OR10K1: variants seen among roughly 807,000 people sequenced by gnomAD.
OR10K1 encodes olfactory receptor 10K1.
For missense variants in OR10K1, 404 were observed against 373.3 expected, an observed-to-expected ratio of 1.08 and a Z score of -0.68; for synonymous variants, 186 against 152.5, an observed-to-expected ratio of 1.22 and a Z score of -1.62.
Position 158,466,125 on chromosome 1 carries a change from A to G in OR10K1, c.564A>G (p.Ala188=), listed in dbSNP as rs1477045546. ...ACATCTCCCCTGTCCTTAAACTGGC[A>G]TCTCAGCACTCCGGCTTCAGTCAGC... is the stretch of plus-strand genomic sequence containing the variant. The part of the protein sequence containing the change: ...FCDISPVLKL[A]SQHSGFSQLV... Residue 188 remains alanine (A), a synonymous_variant, in exon 2 of 2, where the codon GCA becomes GCG. Coordinates refer to ENST00000641535, the MANE Select transcript of OR10K1 (RefSeq NM_001004473.2). 1 of 1,613,808 alleles carries G rather than the reference A, an allele frequency of 6.2e-7. No individual in the cohort carries two copies. The highest frequency in any genetic ancestry group is 1.3e-5 in the African/African-American group (1 of 75,016).
Position 158,466,422 on chromosome 1 carries a change from A to G in OR10K1, c.861A>G (p.Pro287=), listed in dbSNP as rs1656043571. The change falls in exon 2 of 2, where the codon CCA becomes CCG. Residue 287 remains proline, a synonymous_variant. Transcript: ENST00000641535. Reference sequence around the variant, plus strand: ...CCATCCTTACCCCATTGTTCAATCCAATGATTTATAGTCTGAGAAATAAGG... The same window carrying G: ...CCATCCTTACCCCATTGTTCAATCCGATGATTTATAGTCTGAGAAATAAGG... ...SYTILTPLFN[P]MIYSLRNKEF... is the part of the protein sequence containing the mutation. The G allele has an allele frequency of 1.2e-6, 2 of 1,613,974 alleles. No homozygotes were observed. The highest frequency in any genetic ancestry group is 1.1e-5 in the South Asian group (1 of 91,042).
rs941012590 is a variant in OR10K1 at position 158,467,205 on chromosome 1, G to T, written c.*702G>T. 1 of 152,010 alleles carries T rather than the reference G, an allele frequency of 6.6e-6. No individual in the cohort carries two copies. The highest frequency in any genetic ancestry group is 1.9e-4 in the East Asian group (1 of 5,180). 9.4% of individuals were successfully genotyped at this position (152,010 alleles called of 1,614,324 possible). A position where few individuals can be genotyped will look rare whatever the true frequency, so the allele number is the denominator to read the frequency against. On this transcript the variant is annotated 3_prime_UTR_variant, in exon 2 of 2. Transcript: ENST00000641535. ...TCTCTTCAAGGAAGCTACTAGCATT[G>T]CCTACTTGCTGAAATATCTCAAGTA...
At position 158,462,234 on chromosome 1, in the gene OR10K1, C is replaced by G. The variant is rs140690289; in HGVS notation, c.-157+330C>G. Among the ~76,000 whole-genome samples, 1,199 of 151,086 alleles carry G rather than the reference C, an allele frequency of 7.9e-3. 22 individuals are homozygous for G. The highest frequency in any genetic ancestry group is 0.027 in the African/African-American group (1,108 of 41,082). On this transcript the variant is annotated intron_variant, in intron 1 of 1. Transcript: ENST00000641535. ...GGCAGAAGTTGCAGTGAGCCGAGAC[C>G]GTGCCATTGCATTCCAGCCTGGGAA...
Position 158,466,264 on chromosome 1 carries a change from T to C in OR10K1, c.703T>C (p.Tyr235His). The change falls in exon 2 of 2, where the codon TAC becomes CAC. Residue 235 changes from tyrosine (Y) to histidine (H), a missense_variant. Tyr to His is a moderately conservative substitution (Grantham distance 83). Coordinates refer to ENST00000641535, the MANE Select transcript of OR10K1 (RefSeq NM_001004473.2). ...ILKIPSSVGR[Y>H]KTFSTCASHL... Reference sequence around the variant, plus strand: ...AAAAATCCCTTCCTCCGTTGGAAGATACAAGACCTTCTCCACCTGTGCCTC... The same window carrying C: ...AAAAATCCCTTCCTCCGTTGGAAGACACAAGACCTTCTCCACCTGTGCCTC... The C allele has an allele frequency of 1.2e-6, 2 of 1,614,156 alleles. No homozygotes were observed. The highest frequency in any genetic ancestry group is 1.7e-6 in the Non-Finnish European group (2 of 1,180,006).
At chr1:158,463,801 CAT>C (rs1655975056) in intron 1 of OR10K1, among the ~76,000 whole-genome samples, 1 of 152,256 alleles carries the variant, frequency 6.6e-6, no homozygotes, top group East Asian at 1.9e-4. Flanking sequence ...TATATAAAAA[CAT>C]ATAACTAATA....
At position 158,465,818 on chromosome 1, in the gene OR10K1, T is replaced by C; in HGVS notation, c.257T>C (p.Leu86Pro). 1 of 1,614,254 alleles carries C rather than the reference T, an allele frequency of 6.2e-7. No homozygotes were observed. The highest frequency in any genetic ancestry group is 8.5e-7 in the Non-Finnish European group (1 of 1,180,048). Residue 86 changes from leucine to proline, a missense_variant, in exon 2 of 2, where the codon CTG becomes CCG. Physicochemically the swap from Leu to Pro is moderately conservative, Grantham distance 98. Transcript: ENST00000641535. The stretch of plus-strand genomic sequence containing the variant: ...GTACCCAAGATGCTGGTTGACCTGC[T>C]GTCCCAGAAGAAGACCATTTCTTTC... Reference protein sequence around the residue: ...VIVPKMLVDLLSQKKTISFLG... With the variant: ...VIVPKMLVDLPSQKKTISFLG...
Position 158,466,539 on chromosome 1 carries a change from G to A in OR10K1, c.*36G>A, listed in dbSNP as rs780855627. Reference sequence around the variant, plus strand: ...TTTAAACTACTAATGCCTAGTACATGCCAGGCAGAACGTGTGTTTTATACA... The same window carrying A: ...TTTAAACTACTAATGCCTAGTACATACCAGGCAGAACGTGTGTTTTATACA... On this transcript the variant is annotated 3_prime_UTR_variant, in exon 2 of 2. Transcript: ENST00000641535. The A allele has an allele frequency of 3.1e-6, 4 of 1,284,332 alleles. No individual in the cohort carries two copies. In the South Asian group the frequency reaches 4.9e-5, roughly 16 times the overall value. 79.6% of individuals were successfully genotyped at this position (1,284,332 alleles called of 1,614,324 possible).
At position 158,465,925 on chromosome 1, in the gene OR10K1, C is replaced by T. The variant is rs188612034; in HGVS notation, c.364C>T (p.Arg122Cys). The change falls in exon 2 of 2, where the codon CGC (arginine) becomes TGC (cysteine). Residue 122 changes from arginine (R) to cysteine (C), a missense_variant. Transcript: ENST00000641535. ...SFLLAAMGYDRYMAICNPLRY... is the reference protein window; with the variant it reads ...SFLLAAMGYDCYMAICNPLRY... ...CCTGCTGGCAGCCATGGGCTATGAT[C>T]GCTATATGGCCATCTGTAACCCACT... The T allele has an allele frequency of 5.4e-5, 87 of 1,614,134 alleles. No individual in the cohort carries two copies. The Middle Eastern group carries it at 1.5e-3, about 28-fold the overall frequency.
At chr1:158,462,990 G>T (rs1050683298) in intron 1 of OR10K1, among the ~76,000 whole-genome samples, 1 of 152,116 alleles carries the variant, frequency 6.6e-6, no homozygotes, top group African/African-American at 2.4e-5. Flanking sequence ...AGCAAGAAAG[G>T]CTCCTAGGGG....
In OR10K1 at chr1:158,465,733, C is replaced by T. The variant is rs748330340; in HGVS notation, c.172C>T (p.Pro58Ser). Residue 58 changes from proline to serine, a missense_variant, in exon 2 of 2, where the codon CCC becomes TCC. Pro to Ser is a moderately conservative substitution (Grantham distance 74). Coordinates refer to ENST00000641535, the MANE Select transcript of OR10K1 (RefSeq NM_001004473.2). ...TGTGCTGGACAGAGCCCTTCATACT[C>T]CCATGTACTTCTTCCTTGCCATCCT... Reference protein sequence around the residue: ...TIVLDRALHTPMYFFLAILSC... With the variant: ...TIVLDRALHTSMYFFLAILSC... 1 of 1,614,210 alleles carries T rather than the reference C, an allele frequency of 6.2e-7. No homozygotes were observed. The highest frequency in any genetic ancestry group is 8.5e-7 in the Non-Finnish European group (1 of 1,180,036).
chr1:158,462,773 T>C (rs2101664734), intron 1 of OR10K1, among the ~76,000 whole-genome samples: 1 of 152,350 alleles, frequency 6.6e-6, no homozygotes, highest in Middle Eastern at 3.4e-3. Context: ...ATTGCCTTCT[T>C]TTGGGGGAAC....
intron 1 of OR10K1, among the ~76,000 whole-genome samples, chr1:158,462,211 C>A (rs1655933900): frequency 6.7e-6 from 1 of 150,150 alleles, no homozygotes; most frequent in Admixed American, 6.7e-5. Context: ...ACCTGGGAGG[C>A]AGAAGTTGCA....
rs1656014161 is a variant in OR10K1, at chr1:158,465,504, C to G, written c.-58C>G. On this transcript the variant is annotated 5_prime_UTR_variant, in exon 2 of 2. Transcript: ENST00000641535. ...AAATTTCCCGTACATTTCCACTCTCCTTTCTGGATCCTGGTTTCTACCTCT... is the reference window on the plus strand; with the variant it reads ...AAATTTCCCGTACATTTCCACTCTCGTTTCTGGATCCTGGTTTCTACCTCT... 2.2e-6 allele frequency: 3 copies of G among 1,373,884 alleles called. No homozygotes were observed. The Admixed American group carries it at 6.0e-5, about 28-fold the overall frequency. 85.1% of individuals were successfully genotyped at this position (1,373,884 alleles called of 1,614,324 possible).
At chr1:158,464,235 G>T (rs1198734888) in intron 1 of OR10K1, among the ~76,000 whole-genome samples, 3 of 152,130 alleles carry the variant, frequency 2.0e-5, no homozygotes, top group Non-Finnish European at 4.4e-5. Context: ...TTACTTATTA[G>T]GTTGGGTTAT....
intron 1 of OR10K1, among the ~76,000 whole-genome samples, chr1:158,464,108 T>C (rs1655984487): frequency 6.6e-6 from 1 of 152,156 alleles, no homozygotes; most frequent in African/African-American, 2.4e-5. Context: ...AAAATTCTGG[T>C]AGCAGATGCC....
rs770633288 is a variant in OR10K1 at position 158,466,281 on chromosome 1, C to G, written c.720C>G (p.Thr240=). ...SSVGRYKTFS[T]CASHLIVVTV... ...TTGGAAGATACAAGACCTTCTCCAC[C>G]TGTGCCTCCCATCTCATTGTGGTAA... The change falls in exon 2 of 2, where the codon ACC becomes ACG. Residue 240 remains threonine, a synonymous_variant. Transcript: ENST00000641535. 21 of 1,614,154 alleles carry G rather than the reference C, an allele frequency of 1.3e-5. No individual in the cohort carries two copies. The South Asian group carries it at 2.3e-4, about 18-fold the overall frequency.
chr1:158,465,031 T>C (rs1157067853), intron 1 of OR10K1, among the ~76,000 whole-genome samples: 4 of 152,230 alleles, frequency 2.6e-5, no homozygotes, highest in Admixed American at 6.5e-5. Context: ...CCCTTGGAGA[T>C]ATAAAAAGTT....
Position 158,466,381 on chromosome 1 carries a change from A to G in OR10K1, c.820A>G (p.Ile274Val). The G allele has an allele frequency of 6.2e-7, 1 of 1,613,778 alleles. No individual in the cohort carries two copies. The highest frequency in any genetic ancestry group is 1.3e-5 in the African/African-American group (1 of 75,014). ...TNYTSSQDTLISVSYTILTPL... is the reference protein window; with the variant it reads ...TNYTSSQDTLVSVSYTILTPL... The stretch of plus-strand genomic sequence containing the variant: ...TTACACTTCAAGCCAAGACACCCTA[A>G]TATCTGTGTCATACACCATCCTTAC... Residue 274 changes from isoleucine (I) to valine (V), a missense_variant, in exon 2 of 2, where the codon ATA (isoleucine) becomes GTA (valine). Transcript: ENST00000641535.
chr1:158,462,261 C>T (rs1655934851), intron 1 of OR10K1, among the ~76,000 whole-genome samples: 1 of 144,422 alleles, frequency 6.9e-6, no homozygotes, highest in Admixed American at 6.9e-5. Context: ...GCCTGGGAAA[C>T]AGAGTGAGAC....
Sources: gnomAD v4.1 joint callset for allele counts (sites outside exome capture counted in the v4.1 genomes callset) on GRCh38, gnomAD v4.1.1 for gene constraint, MANE v1.5 for transcripts, NCBI Gene and HGNC (gene_info 2026-07-23, HGNC 2026-07-21) for gene names.